Variants in MAEA observed in about 807,000 individuals in gnomAD.
MAEA encodes E3 ubiquitin-protein transferase MAEA.
A neutral mutation model predicts 46.2 loss-of-function variants in MAEA; 22 were observed. That is an observed-to-expected ratio of 0.48 (90% confidence interval 0.34 to 0.68). The LOEUF (loss-of-function observed/expected upper bound fraction) is 0.68. Ranked by LOEUF, MAEA falls within the 30% of genes least tolerant of loss-of-function variation. MAEA has a pLI of 0.01. For synonymous variants in MAEA, 246 were observed against 222.6 expected (o/e 1.11, Z -0.94); for missense variants, 393 against 558.1 (o/e 0.70, Z 2.98).
intron 1 of MAEA, among the ~76,000 whole-genome samples, chr4:1,304,089 C>G (rs1735599670): frequency 6.6e-6 from 1 of 152,094 alleles, no homozygotes; most frequent in African/African-American, 2.4e-5. Flanking sequence ...ACCCCACGCA[C>G]CCTCCTCCCC....
At chr4:1,302,371 C>T (rs1735401030) in intron 1 of MAEA, among the ~76,000 whole-genome samples, 1 of 152,240 alleles carries the variant, frequency 6.6e-6, no homozygotes, top group Admixed American at 6.5e-5. Flanking sequence ...CTGACTAAGA[C>T]AGCTGCTCAG....
chr4:1,309,793 T>A, intron 1 of MAEA: 1 of 1,419,488 alleles, frequency 7.0e-7, no homozygotes, highest in East Asian at 2.6e-5. Flanking sequence ...TCCCTTGCAC[T>A]GGGAGCAAAG....
intron 1 of MAEA, among the ~76,000 whole-genome samples, chr4:1,305,752 CGTGCACGTGCGCACGCGTGCGTGT>C (rs939106335): frequency 7.7e-6 from 1 of 129,154 alleles, no homozygotes; most frequent in Non-Finnish European, 1.9e-5. Flanking sequence ...AGTGTGCGTG[CGTGCACGTGCGCACGCGTGCGTGT>C]AAGGAGCTGT....
At position 1,311,765 on chromosome 4, in the gene MAEA, G is replaced by T. The variant is rs74452148; in HGVS notation, c.70-214G>T. ...TACAATGTTTTTGGCAAAAATTGGG[G>T]TTGCTTCTCATCCAGGGATGTGGAG... On this transcript the variant is annotated intron_variant, in intron 1 of 8. Transcript: ENST00000303400. This position sits in a 1 kb window ranked among gnomAD's most constrained non-coding sequence, Gnocchi z 4.4. Among the ~76,000 whole-genome samples the T allele has an allele frequency of 6.6e-6, 1 of 152,208 alleles. No homozygotes were observed. Among genetic ancestry groups the T allele is most frequent in the East Asian group, 1.9e-4 (1 of 5,196 alleles).
rs539640345 is a variant in MAEA at position 1,315,629 on chromosome 4, G to T, written c.456+29G>T. The T allele has an allele frequency of 9.3e-6, 15 of 1,607,152 alleles. No homozygotes were observed. The East Asian group carries it at 3.1e-4, about 34-fold the overall frequency. On this transcript the variant is annotated intron_variant, in intron 3 of 8. Coordinates refer to ENST00000303400, the MANE Select transcript of MAEA (RefSeq NM_001017405.3). The stretch of plus-strand genomic sequence containing the variant: ...GGTGCCCGCCAGACGCAGGCACAGC[G>T]CCCCAGCTGGCCCCAGGCCTATGGC...
At chr4:1,303,873 GCCGGCAGGGCAGGGGGGT>G (rs1373519531) in intron 1 of MAEA, among the ~76,000 whole-genome samples, 1 of 146,320 alleles carries the variant, frequency 6.8e-6, no homozygotes. Context: ...CTTGCACAGT[GCCGGCAGGGCAGGGGGGT>G]CCGGCAGGGC....
intron 1 of MAEA, chr4:1,309,890 A>G (rs1278028237): frequency 4.6e-6 from 6 of 1,307,876 alleles, no homozygotes; most frequent in Non-Finnish European, 5.9e-6. Flanking sequence ...ACGGCCCGGC[A>G]GGGGTTGGAA....
chr4:1,315,627 G>T (rs1287510419), intron 3 of MAEA, 27 bp downstream of exon 3: 1 of 1,610,244 alleles, frequency 6.2e-7, no homozygotes, highest in Non-Finnish European at 8.5e-7. Flanking sequence ...CGCAGGCACA[G>T]CGCCCCAGCT....
chr4:1,328,859 A>G, intron 5 of MAEA: 10 of 1,042,158 alleles, frequency 9.6e-6, no homozygotes, highest in Non-Finnish European at 1.2e-5. Context: ...CCAGGCCTGC[A>G]ACGAGGTCCC....
Position 1,339,462 on chromosome 4 carries a change from GA to G in MAEA, c.*296del. 1 of 414,818 alleles carries G rather than the reference GA, an allele frequency of 2.4e-6. No homozygotes were observed. The highest frequency in any genetic ancestry group is 4.4e-6 in the Non-Finnish European group (1 of 229,278). The allele number at this position is 414,818 out of a possible 1,614,324, so 25.7% of individuals were successfully genotyped here. A position where few individuals can be genotyped will look rare whatever the true frequency, so the allele number is the denominator to read the frequency against. On this transcript the variant is annotated 3_prime_UTR_variant, in exon 9 of 9. Coordinates refer to ENST00000303400, the MANE Select transcript of MAEA (RefSeq NM_001017405.3). The stretch of plus-strand genomic sequence containing the variant: ...TTAAAGACTGACCTAAACACCGAGG[GA>G]AACTTAAGAACGTTTAAAATATAGG...
chr4:1,325,050 C>T (rs1015882804), intron 4 of MAEA, among the ~76,000 whole-genome samples: 2 of 152,146 alleles, frequency 1.3e-5, no homozygotes, highest in South Asian at 2.1e-4. Flanking sequence ...ATGCCCGGTA[C>T]GAGATGCGGC....
At chr4:1,315,371 A>G (rs749693816) in intron 2 of MAEA, 26 bp from the exon 3 acceptor site, 2 of 1,611,474 alleles carry the variant, frequency 1.2e-6, no homozygotes, top group South Asian at 2.2e-5. Flanking sequence ...CCTGTCCTGA[A>G]CGTGCCTCTG....
intron 5 of MAEA, chr4:1,332,367 C>T (rs894818483): frequency 1.2e-5 from 2 of 167,218 alleles, no homozygotes; most frequent in Non-Finnish European, 2.6e-5. Flanking sequence ...TGGAGTGAGG[C>T]GATTACTTTG....
intron 7 of MAEA, chr4:1,338,152 G>A (rs1388609616): frequency 2.8e-5 from 12 of 425,132 alleles, no homozygotes; most frequent in African/African-American, 6.0e-5. Flanking sequence ...GGGAGAGGGC[G>A]GCGGGCGACG....
intron 5 of MAEA, chr4:1,329,449 G>A (rs1355373912): frequency 7.1e-6 from 7 of 985,348 alleles, no homozygotes; most frequent in Non-Finnish European, 8.4e-6. Context: ...TTGCAGGGGA[G>A]CAGGCAGGTC....
intron 1 of MAEA, among the ~76,000 whole-genome samples, chr4:1,301,233 GA>G (rs1402662273): frequency 6.6e-6 from 1 of 152,250 alleles, no homozygotes; most frequent in African/African-American, 2.4e-5. Flanking sequence ...AAGGTTTGAG[GA>G]AGCGCATCCT....
At chr4:1,290,677 C>G (rs1395735828) in intron 1 of MAEA, among the ~76,000 whole-genome samples, 1 of 152,224 alleles carries the variant, frequency 6.6e-6, no homozygotes, top group Non-Finnish European at 1.5e-5. Flanking sequence ...TTTCCTAGAG[C>G]TGCGGCTGAG....
intron 1 of MAEA, among the ~76,000 whole-genome samples, chr4:1,309,169 GT>G (rs1330796795): frequency 2.6e-5 from 4 of 152,208 alleles, no homozygotes; most frequent in Non-Finnish European, 1.5e-5. Flanking sequence ...TTTCTGAGTA[GT>G]TTTTCTGCCA....
chr4:1,303,651 G>A lies in MAEA; in HGVS notation c.70-8328G>A, dbSNP rs891762978. On this transcript the variant is annotated intron_variant, in intron 1 of 8. Coordinates refer to ENST00000303400, the MANE Select transcript of MAEA (RefSeq NM_001017405.3). The stretch of plus-strand genomic sequence containing the variant: ...TTGGTGGTTGATTGCCTGGGTCTGA[G>A]GGGACTACAGCGGGTTCCTTTTTTG... 5.3e-5 allele frequency among the ~76,000 whole-genome samples: 8 copies of A among 152,226 alleles called. 1 individual carries two copies. The Middle Eastern group carries it at 0.024, about 453-fold the overall frequency.
Sources: gnomAD v4.1 joint callset for allele counts (sites outside exome capture counted in the v4.1 genomes callset) on GRCh38, gnomAD v4.1.1 for gene constraint, Gnocchi (gnomAD v3.1) non-coding constraint, MANE v1.5 for transcripts, NCBI Gene and HGNC (gene_info 2026-07-23, HGNC 2026-07-21) for gene names.